Variants in FRMD6 observed in about 807,000 individuals in gnomAD.
FRMD6 encodes FERM domain-containing protein 6.
In FRMD6, 37 loss-of-function variants were observed where a neutral mutation model predicts 73.2. The ratio of observed to expected loss-of-function variants is 0.51; its 90% CI spans 0.39 to 0.66. FRMD6 has a LOEUF of 0.66. Ranked by LOEUF, FRMD6 falls within the 30% of genes least tolerant of loss-of-function variation. The pLI is 0.00. For missense variants in FRMD6, 714 were observed against 780.5 expected (o/e 0.91, Z 1.02); for synonymous variants, 273 against 282.2 (o/e 0.97, Z 0.33).
chr14:51,486,619 G>A (rs889326543), upstream of FRMD6, among the ~76,000 whole-genome samples: 2 of 152,178 alleles, frequency 1.3e-5, no homozygotes, highest in Non-Finnish European at 2.9e-5. Context: ...TATCTTCGTG[G>A]ACACTGATAC....
chr14:51,639,948 A>C (rs910048589), intron 2 of FRMD6, among the ~76,000 whole-genome samples: 12 of 152,216 alleles, frequency 7.9e-5, no homozygotes, highest in Non-Finnish European at 1.2e-4. Flanking sequence ...ATATTTATGG[A>C]AATGTTAATT....
chr14:51,489,780 G>T (rs1882887771), intron 1 of FRMD6, among the ~76,000 whole-genome samples: 2 of 152,114 alleles, frequency 1.3e-5, no homozygotes, highest in Non-Finnish European at 2.9e-5. Flanking sequence ...CACTTGCCTT[G>T]GTAAGAACAC....
chr14:51,600,002 T>C (rs567927104), intron 2 of FRMD6: 8 of 151,316 alleles, frequency 5.3e-5, no homozygotes, highest in Admixed American at 4.0e-4. Flanking sequence ...GACTCCTGAC[T>C]ACTCCCACCC....
the FRMD6 span, among the ~76,000 whole-genome samples, chr14:51,479,479 G>A: frequency 6.6e-6 from 1 of 152,214 alleles, no homozygotes; most frequent in African/African-American, 2.4e-5. Context: ...CAAGGAAGTG[G>A]AAAGCTAGTT....
the FRMD6 span, among the ~76,000 whole-genome samples, chr14:51,473,790 C>A: frequency 3.9e-5 from 6 of 151,938 alleles, no homozygotes; most frequent in Non-Finnish European, 8.8e-5. Flanking sequence ...GACTTGTAGT[C>A]CTGGTCTTGG....
intron 2 of FRMD6, among the ~76,000 whole-genome samples, chr14:51,608,270 A>T (rs1566500039): frequency 6.6e-6 from 1 of 152,176 alleles, no homozygotes; most frequent in Non-Finnish European, 1.5e-5. Flanking sequence ...TAGCCTGGTG[A>T]TTAAAACAAC....
intron 2 of FRMD6, among the ~76,000 whole-genome samples, chr14:51,695,246 A>T (rs1895866091): frequency 6.6e-6 from 1 of 152,222 alleles, no homozygotes; most frequent in South Asian, 2.1e-4. Flanking sequence ...TTTGTAGTAT[A>T]TAGTTCAACT....
At chr14:51,431,261 A>T in the FRMD6 span, among the ~76,000 whole-genome samples, 1 of 152,228 alleles carries the variant, frequency 6.6e-6, no homozygotes, top group Non-Finnish European at 1.5e-5. Context: ...GAAACTGGTC[A>T]CCCAAGCTGG....
chr14:51,602,518 G>T (rs1890080140), intron 2 of FRMD6, among the ~76,000 whole-genome samples: 1 of 152,140 alleles, frequency 6.6e-6, no homozygotes, highest in Non-Finnish European at 1.5e-5. Context: ...AATTATATGA[G>T]AATCACATTT....
At chr14:51,400,019 C>A in the FRMD6 span, among the ~76,000 whole-genome samples, 1 of 150,978 alleles carries the variant, frequency 6.6e-6, no homozygotes, top group South Asian at 2.1e-4. Context: ...TATATATGGG[C>A]ACAATGGAAT....
chr14:51,611,601 C>A (rs990974283), intron 2 of FRMD6, among the ~76,000 whole-genome samples: 1 of 152,208 alleles, frequency 6.6e-6, no homozygotes, highest in Non-Finnish European at 1.5e-5. Context: ...AAGGATCCTA[C>A]TAAGACACAG....
the FRMD6 span, chr14:51,436,504 A>G: frequency 1.5e-6 from 1 of 648,274 alleles, no homozygotes; most frequent in Admixed American, 2.4e-5. Flanking sequence ...AAAGAATTTC[A>G]TCTGAATGAG....
intron 1 of FRMD6, among the ~76,000 whole-genome samples, chr14:51,545,800 A>G (rs1014335585): frequency 6.6e-6 from 1 of 152,060 alleles, no homozygotes; most frequent in Non-Finnish European, 1.5e-5. Flanking sequence ...TCTATGTCCT[A>G]TGTTTGTTTG....
chr14:51,701,261 C>CT, intron 4 of FRMD6, 102 bp downstream of exon 4: 1 of 532,362 alleles, frequency 1.9e-6, no homozygotes, highest in Non-Finnish European at 3.3e-6. Flanking sequence ...ACTTTATGTA[C>CT]TATACTATAT....
the FRMD6 span, among the ~76,000 whole-genome samples, chr14:51,399,707 A>G: frequency 6.6e-6 from 1 of 152,122 alleles, no homozygotes; most frequent in Admixed American, 6.6e-5. Flanking sequence ...GTTTCTCTCT[A>G]TCTAAGAGAG....
At chr14:51,720,605 G>A in intron 11 of FRMD6, 1 of 568,340 alleles carries the variant, frequency 1.8e-6, no homozygotes, top group Non-Finnish European at 3.2e-6. Context: ...CCACAAGACT[G>A]GATGGTTGTA....
chr14:51,509,305 C>G (rs986172447), intron 1 of FRMD6, among the ~76,000 whole-genome samples: 1 of 152,102 alleles, frequency 6.6e-6, no homozygotes, highest in African/African-American at 2.4e-5. Flanking sequence ...TGGCGGATCA[C>G]GAGGTCAGGT....
chr14:51,704,724 G>A (rs774315805), intron 5 of FRMD6, 25 bp from the exon 6 acceptor site: 2 of 1,583,966 alleles, frequency 1.3e-6, no homozygotes, highest in Non-Finnish European at 8.6e-7. Context: ...CAAAATGTGA[G>A]TTCTGTTTTC....
intron 1 of FRMD6, among the ~76,000 whole-genome samples, chr14:51,525,457 T>C (rs111564682): frequency 4.9e-4 from 75 of 152,018 alleles, no homozygotes; most frequent in African/African-American, 1.8e-3. Context: ...TTAGTAGAGA[T>C]GGGGTTTCAC....
Sources: gnomAD v4.1 joint callset for allele counts (sites outside exome capture counted in the v4.1 genomes callset) on GRCh38, gnomAD v4.1.1 for gene constraint, MANE v1.5 for transcripts, NCBI Gene and HGNC (gene_info 2026-07-23, HGNC 2026-07-21) for gene names.